The following SLA variants were observed in gnomAD, a reference collection of about 807,000 sequenced individuals.
The protein encoded by SLA is src-like-adapter.
Under a neutral mutation model 30.3 loss-of-function variants are expected in SLA, and 16 were observed. The ratio of observed to expected loss-of-function variants is 0.53; its 90% confidence interval spans 0.36 to 0.80. The LOEUF is 0.80. Ranked by LOEUF, SLA falls within the 30% of genes least tolerant of loss-of-function variation. SLA has a pLI of 0.01. For synonymous variants in SLA, 143 were observed against 137.8 expected (o/e 1.04, Z -0.26); for missense variants, 310 against 345.2 (o/e 0.90, Z 0.81).
chr8:133,073,456 G>A (rs1056908373), intron 2 of SLA, among the ~76,000 whole-genome samples: 2 of 152,030 alleles, frequency 1.3e-5, no homozygotes, highest in South Asian at 2.1e-4. Context: ...TCCACCTCTC[G>A]GGTTCAAGCG....
At chr8:133,072,711 T>G (rs1844250339) in intron 2 of SLA, among the ~76,000 whole-genome samples, 3 of 152,246 alleles carry the variant, frequency 2.0e-5, no homozygotes. Flanking sequence ...TTAAAAAGGC[T>G]CATTTCCCTT....
At chr8:133,051,623 G>A (rs1840426815) in intron 3 of SLA, among the ~76,000 whole-genome samples, 1 of 152,180 alleles carries the variant, frequency 6.6e-6, no homozygotes, top group African/African-American at 2.4e-5. Flanking sequence ...GAATTCTGGT[G>A]AAGTTTTGAA....
chr8:133,058,123 A>G (rs1036678311), intron 3 of SLA, among the ~76,000 whole-genome samples: 2 of 152,236 alleles, frequency 1.3e-5, no homozygotes, highest in Non-Finnish European at 2.9e-5. Context: ...GACCCTGTGC[A>G]TGAGGCAGAT....
chr8:133,059,937 A>C (rs771034420), intron 3 of SLA, among the ~76,000 whole-genome samples, 163 bp downstream of exon 3: 3 of 152,234 alleles, frequency 2.0e-5, no homozygotes. Flanking sequence ...TCTTTTAATT[A>C]TGAAGTATTT....
intron 2 of SLA, among the ~76,000 whole-genome samples, chr8:133,072,188 G>A (rs778659344): frequency 6.6e-6 from 1 of 152,218 alleles, no homozygotes; most frequent in Non-Finnish European, 1.5e-5. Context: ...GCTAAGGAGC[G>A]AAGTGTGACT....
chr8:133,072,722 G>A (rs1844252360), intron 2 of SLA, among the ~76,000 whole-genome samples: 1 of 152,164 alleles, frequency 6.6e-6, no homozygotes, highest in Admixed American at 6.5e-5. Flanking sequence ...CATTTCCCTT[G>A]GAAATACATT....
Position 133,060,247 on chromosome 8 carries a change from C to T in SLA, c.-40-47G>A, listed in dbSNP as rs1186702013. On this transcript the variant is annotated intron_variant, in intron 2 of 8. Coordinates refer to ENST00000338087, the MANE Select transcript of SLA (RefSeq NM_001045556.3). ...GGGAAAGTCAACCGTGCCCTGAGCCCTCCAAGTGGAGAATGACCCAGTTTA... is the reference window on the plus strand; with the variant it reads ...GGGAAAGTCAACCGTGCCCTGAGCCTTCCAAGTGGAGAATGACCCAGTTTA... The T allele has an allele frequency of 2.8e-5, 45 of 1,611,836 alleles. No individual in the cohort carries two copies. Among genetic ancestry groups the T allele is most frequent in the Non-Finnish European group, 3.8e-5 (45 of 1,179,030 alleles).
intron 1 of SLA, among the ~76,000 whole-genome samples, chr8:133,085,439 A>G (rs1381405103): frequency 6.6e-6 from 1 of 152,214 alleles, no homozygotes; most frequent in Non-Finnish European, 1.5e-5. Context: ...GGGAGAAAAT[A>G]TTTGCAAATT....
chr8:133,097,524 T>C (rs1228029326), intron 1 of SLA, among the ~76,000 whole-genome samples: 1 of 152,224 alleles, frequency 6.6e-6, no homozygotes, highest in African/African-American at 2.4e-5. Flanking sequence ...CTGGCTTAAG[T>C]GATGCCTCTG....
chr8:133,075,454 G>GA (rs1844722311), intron 1 of SLA, among the ~76,000 whole-genome samples: 2 of 152,034 alleles, frequency 1.3e-5, no homozygotes, highest in Non-Finnish European at 2.9e-5. Flanking sequence ...TGCGTCAAGG[G>GA]AAAAAAACTA....
In SLA at chr8:133,049,923, C is replaced by A; in HGVS notation, c.227G>T (p.Cys76Phe). 6.2e-7 allele frequency: 1 copy of A among 1,612,530 alleles called. No homozygotes were observed. The highest frequency in any genetic ancestry group is 1.1e-5 in the South Asian group (1 of 91,060). The change falls in exon 5 of 9, where the codon TGT (cysteine) becomes TTT (phenylalanine). Residue 76 changes from cysteine (C) to phenylalanine (F), a missense_variant. Transcript: ENST00000338087. ...TCACCCATGGTAAACTCTGGCCACACATATTCCAGGGATGTAACTCTCTCG... is the reference window on the plus strand; with the variant it reads ...TCACCCATGGTAAACTCTGGCCACAAATATTCCAGGGATGTAACTCTCTCG... ...TGRESYIPGI[C>F]VARVYHGWLF...
At chr8:133,061,655 C>A (rs1035918802) in intron 2 of SLA, among the ~76,000 whole-genome samples, 3 of 152,196 alleles carry the variant, frequency 2.0e-5, no homozygotes, top group African/African-American at 7.2e-5. Flanking sequence ...AGGGTCCCCC[C>A]ATCGGCCTCC....
At chr8:133,050,526 C>T (rs975561092) in intron 4 of SLA, 5 of 347,124 alleles carry the variant, frequency 1.4e-5, no homozygotes, top group Non-Finnish European at 2.7e-5. Flanking sequence ...CAACACTGCA[C>T]ATGTGGTGGG....
At chr8:133,087,353 G>C (rs1052081712) in intron 1 of SLA, among the ~76,000 whole-genome samples, 1 of 152,144 alleles carries the variant, frequency 6.6e-6, no homozygotes, top group African/African-American at 2.4e-5. Flanking sequence ...GTATGAAAAG[G>C]ATTGCATTTG....
intron 1 of SLA, among the ~76,000 whole-genome samples, chr8:133,089,184 C>G (rs1267761238): frequency 6.6e-6 from 1 of 152,184 alleles, no homozygotes; most frequent in African/African-American, 2.4e-5. Context: ...GCTCCCCACT[C>G]CAGTCCATCC....
At chr8:133,071,980 T>C (rs769458332) in intron 2 of SLA, among the ~76,000 whole-genome samples, 1 of 152,198 alleles carries the variant, frequency 6.6e-6, no homozygotes, top group Non-Finnish European at 1.5e-5. Flanking sequence ...ATAAACTGCC[T>C]GGCACAGTAT....
At chr8:133,055,363 GCGCA>G (rs1328262703) in intron 3 of SLA, among the ~76,000 whole-genome samples, 951 of 31,980 alleles carry the variant, frequency 0.03, 11 homozygotes, top group Middle Eastern at 0.15. Flanking sequence ...ACACGCACGC[GCGCA>G]CACACACACA....
At chr8:133,095,394 A>G (rs1403343049) in intron 1 of SLA, among the ~76,000 whole-genome samples, 1 of 152,132 alleles carries the variant, frequency 6.6e-6, no homozygotes, top group East Asian at 1.9e-4. Context: ...GCAACAGTCC[A>G]AACATGGGCA....
At chr8:133,102,442 G>A in intron 1 of SLA, 111 bp downstream of exon 1, 3 of 920,750 alleles carry the variant, frequency 3.3e-6, no homozygotes, top group Non-Finnish European at 5.1e-6. Context: ...CAAAGACGGA[G>A]GGTGGGTACA....
Sources: gnomAD v4.1 joint callset for allele counts (sites outside exome capture counted in the v4.1 genomes callset) on GRCh38, gnomAD v4.1.1 for gene constraint, MANE v1.5 for transcripts, NCBI Gene and HGNC (gene_info 2026-07-23, HGNC 2026-07-21) for gene names.